CTNNA3: variants seen among roughly 807,000 people sequenced by gnomAD.
The protein encoded by CTNNA3 is catenin alpha 3, also known as catenin alpha-3.
Under a neutral mutation model 95.7 loss-of-function variants are expected in CTNNA3, and 76 were observed. That is an observed-to-expected ratio of 0.79 (90% CI 0.66 to 0.96). CTNNA3 has a LOEUF of 0.96. CTNNA3 is among the 40% of genes least tolerant of loss of function. CTNNA3 has a pLI of 0.00. For synonymous variants in CTNNA3, 431 were observed against 374.4 expected (o/e 1.15, Z -1.74); for missense variants, 1,191 against 1,089.8 (o/e 1.09, Z -1.31).
At chr10:66,380,262 G>A (rs2007116) in intron 11 of CTNNA3, among the ~76,000 whole-genome samples, 72,530 of 151,524 alleles carry the variant, frequency 0.48, 17,785 homozygotes, top group African/African-American at 0.58. Flanking sequence ...TTGCTACAAA[G>A]GACAATTATT....
intron 1 of CTNNA3, among the ~76,000 whole-genome samples, chr10:67,695,498 T>A (rs143958466): frequency 6.6e-6 from 1 of 152,220 alleles, no homozygotes; most frequent in Non-Finnish European, 1.5e-5. Context: ...AACCTCTTAA[T>A]ATTCCTTCCA....
intron 12 of CTNNA3, among the ~76,000 whole-genome samples, chr10:66,281,053 T>C (rs189106373): frequency 7.2e-5 from 11 of 151,984 alleles, no homozygotes; most frequent in African/African-American, 1.9e-4. Context: ...AAGAAAGCAA[T>C]TGAGTTGCTA....
At chr10:66,920,734 C>T (rs1304683935) in intron 7 of CTNNA3, among the ~76,000 whole-genome samples, 3 of 152,228 alleles carry the variant, frequency 2.0e-5, no homozygotes, top group Admixed American at 6.5e-5. Flanking sequence ...GTCTTGCTCA[C>T]AAAATGTGAC....
chr10:66,933,450 C>T (rs1317698366), intron 7 of CTNNA3, among the ~76,000 whole-genome samples: 2 of 152,190 alleles, frequency 1.3e-5, no homozygotes, highest in African/African-American at 4.8e-5. Flanking sequence ...TGTCCACTCC[C>T]TTTCTAGTAT....
chr10:65,998,394 C>T (rs976718228), intron 15 of CTNNA3, among the ~76,000 whole-genome samples: 1 of 151,988 alleles, frequency 6.6e-6, no homozygotes, highest in Non-Finnish European at 1.5e-5. Flanking sequence ...AAAAAATAAA[C>T]GAATGATTAT....
chr10:67,046,426 G>C (rs547114029), intron 7 of CTNNA3, among the ~76,000 whole-genome samples: 2 of 152,214 alleles, frequency 1.3e-5, no homozygotes, highest in South Asian at 4.2e-4. Context: ...TCAACACATA[G>C]AACTTCTAAT....
intron 9 of CTNNA3, among the ~76,000 whole-genome samples, chr10:66,737,247 T>C (rs755393696): frequency 6.6e-6 from 1 of 152,216 alleles, no homozygotes; most frequent in Non-Finnish European, 1.5e-5. Context: ...GATACAGTTG[T>C]TGATTATGAC....
intron 12 of CTNNA3, among the ~76,000 whole-genome samples, chr10:66,364,423 C>T (rs7923487): frequency 0.94 from 143,134 of 151,848 alleles, 68,008 homozygotes; most frequent in East Asian, 1. Context: ...CGACAAAACA[C>T]CTAGTTCTCC....
chr10:66,443,628 G>A (rs1263559704), intron 11 of CTNNA3, among the ~76,000 whole-genome samples: 1 of 152,114 alleles, frequency 6.6e-6, no homozygotes, highest in African/African-American at 2.4e-5. Context: ...CTGTTAGAAG[G>A]AAAACTAACA....
intron 9 of CTNNA3, among the ~76,000 whole-genome samples, chr10:66,624,120 T>A (rs1194728257): frequency 6.6e-6 from 1 of 152,188 alleles, no homozygotes; most frequent in African/African-American, 2.4e-5. Flanking sequence ...CTGTAGAATG[T>A]TTCTGCTCAC....
chr10:66,749,271 C>T (rs1253029259), intron 9 of CTNNA3, among the ~76,000 whole-genome samples: 2 of 144,246 alleles, frequency 1.4e-5, no homozygotes, highest in Admixed American at 6.9e-5. Flanking sequence ...TGGTGTTGTA[C>T]ATTGCATGCG....
intron 7 of CTNNA3, among the ~76,000 whole-genome samples, chr10:67,094,740 A>T (rs1709722971): frequency 6.6e-6 from 1 of 151,786 alleles, no homozygotes; most frequent in South Asian, 2.1e-4. Flanking sequence ...CTTACTTGAC[A>T]TTCCAATAAA....
chr10:67,211,799 A>T (rs532596881), intron 6 of CTNNA3, among the ~76,000 whole-genome samples: 1 of 152,238 alleles, frequency 6.6e-6, no homozygotes, highest in South Asian at 2.1e-4. Flanking sequence ...TATGTGTTCA[A>T]GTTATAACTC....
chr10:66,935,388 C>T (rs776287387), intron 7 of CTNNA3, among the ~76,000 whole-genome samples: 24 of 151,984 alleles, frequency 1.6e-4, no homozygotes, highest in African/African-American at 3.6e-4. Flanking sequence ...TAAAATTCAG[C>T]GCTTTGAGAT....
chr10:66,615,495 G>A (rs1479387856), intron 10 of CTNNA3, among the ~76,000 whole-genome samples: 3 of 151,776 alleles, frequency 2.0e-5, no homozygotes, highest in Non-Finnish European at 4.4e-5. Context: ...CTGACATAGG[G>A]TGGGTATATT....
At chr10:67,015,529 A>C (rs1852601008) in intron 7 of CTNNA3, 2 of 152,184 alleles carry the variant, frequency 1.3e-5, no homozygotes, top group African/African-American at 2.4e-5. Flanking sequence ...TTGAAAGCCA[A>C]CCTTTATTCT....
At chr10:66,318,178 T>C (rs554900158) in intron 12 of CTNNA3, among the ~76,000 whole-genome samples, 46 of 151,950 alleles carry the variant, frequency 3.0e-4, no homozygotes, top group African/African-American at 1.1e-3. Flanking sequence ...TATCTTGCCC[T>C]TTGTCCCTAG....
Position 66,331,855 on chromosome 10 carries a change from TGATGGG to T in CTNNA3, c.1732+47291_1732+47296del, listed in dbSNP as rs1424367155. ...TCTGTGAAGAAAGTCATTGGTAGCT[TGATGGG>T]GATGGCATTGAATCTATAAATTACC... On this transcript the variant is annotated intron_variant, in intron 12 of 17. Coordinates refer to ENST00000433211, the MANE Select transcript of CTNNA3 (RefSeq NM_013266.4). Among the ~76,000 whole-genome samples, 3 of 152,054 alleles carry T rather than the reference TGATGGG, an allele frequency of 2.0e-5. 1 individual carries two copies. Among genetic ancestry groups the T allele is most frequent in the Non-Finnish European group, 4.4e-5 (3 of 67,966 alleles).
In CTNNA3 at chr10:67,118,236, A is replaced by G. The variant is rs115054170; in HGVS notation, c.1047+62081T>C. On this transcript the variant is annotated intron_variant, in intron 7 of 17. Coordinates refer to ENST00000433211, the MANE Select transcript of CTNNA3 (RefSeq NM_013266.4). ...TTTCTACACACCAGAGACTTGCTCT[A>G]CTGAATGGCACTGTTGGAAAAGAGT... Among the ~76,000 whole-genome samples, 1,018 of 152,130 alleles carry G rather than the reference A, an allele frequency of 6.7e-3. 15 individuals carry two copies. Among genetic ancestry groups the G allele is most frequent in the African/African-American group, 0.023 (966 of 41,534 alleles).
Sources: gnomAD v4.1 joint callset for allele counts (sites outside exome capture counted in the v4.1 genomes callset) on GRCh38, gnomAD v4.1.1 for gene constraint, MANE v1.5 for transcripts, NCBI Gene and HGNC (gene_info 2026-07-23, HGNC 2026-07-21) for gene names.